The following NUP42 variants were observed in gnomAD, a reference collection of about 807,000 sequenced individuals.
NUP42 encodes nucleoporin 42, also known as nucleoporin NUP42.
In NUP42, 47 loss-of-function variants were observed where a neutral mutation model predicts 35.9. The ratio of observed to expected loss-of-function variants is 1.31; its 90% CI spans 1.04 to 1.67. The LOEUF is 1.67. Among genes scored for constraint, NUP42 ranks in the 40% most tolerant of loss-of-function variants. The pLI, the probability that NUP42 is intolerant of heterozygous loss-of-function variation, is 0.00. For synonymous variants in NUP42, 173 were observed against 173.3 expected (o/e 1.00, Z 0.01); for missense variants, 514 against 492.2 (o/e 1.04, Z -0.42).
At chr7:23,184,790 A>T (rs1415833938) in intron 1 of NUP42, among the ~76,000 whole-genome samples, 1 of 152,146 alleles carries the variant, frequency 6.6e-6, no homozygotes, top group Non-Finnish European at 1.5e-5. Flanking sequence ...GGATCTCTTG[A>T]GCCCAGGAGT....
intron 2 of NUP42, 76 bp from the exon 3 acceptor site, chr7:23,186,976 G>A: frequency 8.2e-6 from 8 of 980,154 alleles, no homozygotes; most frequent in Non-Finnish European, 1.2e-5. Flanking sequence ...TTTCAGTTGT[G>A]GAAAACCATT....
chr7:23,199,056 A>G (rs1211553400), intron 5 of NUP42, among the ~76,000 whole-genome samples: 1 of 152,186 alleles, frequency 6.6e-6, no homozygotes, highest in East Asian at 1.9e-4. Flanking sequence ...CCTTTTCAAC[A>G]TCATATTATG....
At chr7:23,182,770 C>T (rs1785457374) in intron 1 of NUP42, among the ~76,000 whole-genome samples, 1 of 127,576 alleles carries the variant, frequency 7.8e-6, no homozygotes, top group African/African-American at 3.2e-5. Flanking sequence ...AAAAAATAGC[C>T]GGGCGTGGTG....
intron 4 of NUP42, 79 bp from the exon 5 acceptor site, chr7:23,196,601 A>C: frequency 9.7e-7 from 1 of 1,026,948 alleles, no homozygotes; most frequent in South Asian, 1.4e-5. Context: ...TTTGGCAAAG[A>C]AGTATGTGAA....
intron 1 of NUP42, among the ~76,000 whole-genome samples, chr7:23,184,461 G>A (rs1785522639): frequency 6.6e-6 from 1 of 152,032 alleles, no homozygotes; most frequent in Admixed American, 6.6e-5. Context: ...TAACTATCAA[G>A]CAGTTGTTCA....
At chr7:23,187,933 T>TGG in intron 3 of NUP42, 4 of 485,520 alleles carry the variant, frequency 8.2e-6, no homozygotes, top group Admixed American at 3.9e-5. Context: ...TAGAATATTC[T>TGG]CTGTCTCTCT....
intron 3 of NUP42, among the ~76,000 whole-genome samples, chr7:23,187,695 C>T (rs143402376): frequency 0.053 from 7,957 of 149,998 alleles, 601 homozygotes; most frequent in African/African-American, 0.17. Context: ...TGACCTCTGC[C>T]TCCCAGGTTC....
At chr7:23,188,946 TAAG>T (rs995661922) in intron 3 of NUP42, among the ~76,000 whole-genome samples, 3 of 152,218 alleles carry the variant, frequency 2.0e-5, no homozygotes, top group Non-Finnish European at 2.9e-5. Context: ...CATTTGAACT[TAAG>T]AACTTCCTTT....
intron 2 of NUP42, among the ~76,000 whole-genome samples, chr7:23,186,636 T>G (rs1313350011): frequency 6.6e-6 from 1 of 152,220 alleles, no homozygotes; most frequent in Admixed American, 6.5e-5. Context: ...TTATTGATGT[T>G]TGTGATAATT....
intron 5 of NUP42, among the ~76,000 whole-genome samples, chr7:23,199,122 T>A (rs1321390046): frequency 6.6e-6 from 1 of 152,196 alleles, no homozygotes; most frequent in African/African-American, 2.4e-5. Flanking sequence ...TTTTTTCTTC[T>A]CTTTTCTTTT....
In NUP42 at chr7:23,200,848, A is replaced by AT; in HGVS notation, c.*103_*104insT. 3 of 566,410 alleles carry AT rather than the reference A, an allele frequency of 5.3e-6. No individual in the cohort carries two copies. The highest frequency in any genetic ancestry group is 5.4e-6 in the Non-Finnish European group (2 of 367,282). The allele number at this position is 566,410 out of a possible 1,614,324, so 35.1% of individuals were successfully genotyped here. On this transcript the variant is annotated 3_prime_UTR_variant, in exon 7 of 7. Transcript: ENST00000258742. ...ACATGTATATATTCATAAGGAATAT[A>AT]AGCTTCCATCAATAGTGATTTTAAA...
intron 4 of NUP42, 191 bp from the exon 5 acceptor site, chr7:23,196,489 G>A (rs776924149): frequency 9.4e-6 from 5 of 531,366 alleles, no homozygotes; most frequent in East Asian, 3.2e-5. Context: ...GGAGTTGAAC[G>A]GGAGAGGGAA....
intron 3 of NUP42, chr7:23,188,155 A>G (rs1785668593): frequency 2.3e-6 from 3 of 1,317,484 alleles, no homozygotes; most frequent in Admixed American, 3.8e-5. Flanking sequence ...AGCTCTTGCA[A>G]TCAATATCGC....
rs1187786144 is a variant in NUP42, at chr7:23,199,499, A to G, written c.651A>G (p.Ala217=). 1 of 1,614,038 alleles carries G rather than the reference A, an allele frequency of 6.2e-7. No individual in the cohort carries two copies. The highest frequency in any genetic ancestry group is 1.3e-5 in the African/African-American group (1 of 74,998). The change falls in exon 6 of 7, where the codon GCA becomes GCG. Residue 217 remains alanine (A), a synonymous_variant. Coordinates refer to ENST00000258742, the MANE Select transcript of NUP42 (RefSeq NM_007342.3). ...VKDGVNQAAP[A]FGFGSSQAAT... ...ATGGAGTAAATCAAGCAGCACCTGCATTTGGATTTGGCAGCAGTCAAGCAG... is the reference window on the plus strand; with the variant it reads ...ATGGAGTAAATCAAGCAGCACCTGCGTTTGGATTTGGCAGCAGTCAAGCAG...
chr7:23,186,491 A>AT (rs1249162753), intron 2 of NUP42, among the ~76,000 whole-genome samples: 17 of 152,210 alleles, frequency 1.1e-4, no homozygotes, highest in Non-Finnish European at 1.3e-4. Context: ...GATTAGTTGT[A>AT]TGGATGTGGG....
rs1786132021 is a variant in NUP42, at chr7:23,199,468, T to A, written c.620T>A (p.Val207Glu). 3 of 1,613,764 alleles carry A rather than the reference T, an allele frequency of 1.9e-6. No homozygotes were observed. Among genetic ancestry groups the A allele is most frequent in the Non-Finnish European group, 2.5e-6 (3 of 1,179,876 alleles). Residue 207 changes from valine (V) to glutamate (E), a missense_variant, in exon 6 of 7, where the codon GTA becomes GAA. Transcript: ENST00000258742. ...ISTKVALLSD[V>E]KDGVNQAAPA... ...ACTTTTTTTTTTCAGCTCTCTGATG[T>A]AAAGGATGGAGTAAATCAAGCAGCA...
At chr7:23,184,713 A>T (rs1177494190) in intron 1 of NUP42, among the ~76,000 whole-genome samples, 1 of 152,162 alleles carries the variant, frequency 6.6e-6, no homozygotes, top group African/African-American at 2.4e-5. Context: ...TTGAGATTTT[A>T]AAGAACAGTT....
At position 23,187,493 on chromosome 7, in the gene NUP42, CTGTT is replaced by C. The variant is rs1785633218; in HGVS notation, c.445+348_445+351del. ...TCATTAAGGCCTTGGCTGCCTGGTT[CTGTT>C]CTTTCTTCCCTGTCTTTCCTTCTAA... is the stretch of plus-strand genomic sequence containing the variant. On this transcript the variant is annotated intron_variant, in intron 3 of 6. Transcript: ENST00000258742. 2.3e-5 allele frequency: 4 copies of C among 173,752 alleles called. No homozygotes were observed. The South Asian group carries it at 6.9e-4, about 30-fold the overall frequency. 10.8% of individuals were successfully genotyped at this position (173,752 alleles called of 1,614,324 possible). A position where few individuals can be genotyped will look rare whatever the true frequency, so the allele number is the denominator to read the frequency against.
chr7:23,182,940 AAAAG>A (rs1562601882), intron 1 of NUP42, among the ~76,000 whole-genome samples: 1 of 151,604 alleles, frequency 6.6e-6, no homozygotes, highest in Admixed American at 6.6e-5. Flanking sequence ...AGAAAAGAAA[AAAAG>A]AAAATCTAAT....
Sources: gnomAD v4.1 joint callset for allele counts (sites outside exome capture counted in the v4.1 genomes callset) on GRCh38, gnomAD v4.1.1 for gene constraint, MANE v1.5 for transcripts, NCBI Gene and HGNC (gene_info 2026-07-23, HGNC 2026-07-21) for gene names.